The following CHODL variants were observed in gnomAD, a reference collection of about 807,000 sequenced individuals.
CHODL encodes the protein chondrolectin.
In CHODL, 29 loss-of-function variants were observed where a neutral mutation model predicts 34.5. The observed-to-expected ratio is 0.84, with a 90% CI of 0.63 to 1.15. The LOEUF is 1.15. CHODL is among the 50% of genes most tolerant of loss of function. The pLI is 0.00. For missense variants in CHODL, 332 were observed against 332.5 expected, an observed-to-expected ratio of 1.00 and a Z score of 0.01; for synonymous variants, 125 against 116.1, an observed-to-expected ratio of 1.08 and a Z score of -0.49.
intron 2 of CHODL, among the ~76,000 whole-genome samples, chr21:18,098,513 C>A (rs2065169337): frequency 1.3e-5 from 2 of 151,998 alleles, no homozygotes; most frequent in African/African-American, 4.8e-5. Flanking sequence ...AAATGTAAAT[C>A]AAAACTACAA....
At chr21:18,238,230 C>T (rs1028024674) in intron 2 of CHODL, among the ~76,000 whole-genome samples, 9 of 151,926 alleles carry the variant, frequency 5.9e-5, no homozygotes, top group Admixed American at 1.3e-4. Context: ...TAAACTGATG[C>T]GCATATTAGT....
At chr21:18,102,927 A>C (rs2065232517) in intron 2 of CHODL, among the ~76,000 whole-genome samples, 1 of 152,196 alleles carries the variant, frequency 6.6e-6, no homozygotes, top group African/African-American at 2.4e-5. Context: ...TATCATCCTG[A>C]AGCTTTATTT....
chr21:17,921,873 T>G (rs2063185678), intron 1 of CHODL, among the ~76,000 whole-genome samples: 1 of 152,212 alleles, frequency 6.6e-6, no homozygotes, highest in African/African-American at 2.4e-5. Context: ...TTAATCATAC[T>G]GTGAGTAGTA....
At chr21:18,251,212 A>C (rs1601205023) in intron 1 of CHODL, among the ~76,000 whole-genome samples, 1 of 150,590 alleles carries the variant, frequency 6.6e-6, no homozygotes, top group East Asian at 1.9e-4. Context: ...CTAAGGAAAA[A>C]GACAAAAATC....
intron 2 of CHODL, among the ~76,000 whole-genome samples, chr21:18,102,200 G>A (rs1197205807): frequency 6.6e-6 from 1 of 152,154 alleles, no homozygotes; most frequent in Non-Finnish European, 1.5e-5. Flanking sequence ...GGAGATCTCA[G>A]GAGATTATTC....
At chr21:18,242,692 G>A (rs1241702107), upstream of CHODL, among the ~76,000 whole-genome samples, 1 of 152,176 alleles carries the variant, frequency 6.6e-6, no homozygotes, top group Non-Finnish European at 1.5e-5. Flanking sequence ...AATAACTGCT[G>A]AACAGCCTTA....
intron 1 of CHODL, among the ~76,000 whole-genome samples, chr21:17,978,384 T>C (rs986557895): frequency 1.4e-5 from 2 of 141,306 alleles, no homozygotes; most frequent in African/African-American, 5.4e-5. Flanking sequence ...ATGGCGCCAC[T>C]GCACTCCAGC....
At chr21:17,999,906 C>T (rs2063889473) in intron 1 of CHODL, among the ~76,000 whole-genome samples, 1 of 152,184 alleles carries the variant, frequency 6.6e-6, no homozygotes, top group East Asian at 1.9e-4. Flanking sequence ...GTACACCAAC[C>T]TCTCTGAGCC....
intron 2 of CHODL, among the ~76,000 whole-genome samples, chr21:18,230,364 G>A (rs1452836758): frequency 1.3e-5 from 2 of 152,068 alleles, no homozygotes; most frequent in African/African-American, 4.8e-5. Context: ...AATCATGCAA[G>A]ATTCAGGATT....
chr21:18,233,073 T>A (rs2073998105), intron 2 of CHODL, among the ~76,000 whole-genome samples: 1 of 151,440 alleles, frequency 6.6e-6, no homozygotes, highest in South Asian at 2.1e-4. Flanking sequence ...ACTTATAATT[T>A]ATTCCTCCTG....
At chr21:18,095,547 A>G (rs2065129892) in intron 2 of CHODL, among the ~76,000 whole-genome samples, 1 of 152,168 alleles carries the variant, frequency 6.6e-6, no homozygotes, top group African/African-American at 2.4e-5. Flanking sequence ...CTAGGACCCA[A>G]TGGCTTCACT....
At chr21:18,182,804 A>C (rs1441137876) in intron 2 of CHODL, among the ~76,000 whole-genome samples, 1 of 152,160 alleles carries the variant, frequency 6.6e-6, no homozygotes, top group Non-Finnish European at 1.5e-5. Context: ...CAAGGTGCAA[A>C]AAAAATCCCT....
intron 1 of CHODL, among the ~76,000 whole-genome samples, chr21:18,022,161 T>G (rs76049572): frequency 0.017 from 2,542 of 152,310 alleles, 70 homozygotes; most frequent in African/African-American, 0.057. Context: ...TTCACTCACA[T>G]TTTTACAGGC....
chr21:18,168,931 C>G (rs1233654883), intron 2 of CHODL, among the ~76,000 whole-genome samples: 2 of 152,010 alleles, frequency 1.3e-5, no homozygotes, highest in Non-Finnish European at 2.9e-5. Flanking sequence ...TTTTGAACCA[C>G]TTCTTTTATA....
Position 18,150,682 on chromosome 21 carries a change from C to T in CHODL, c.-44-105827C>T, listed in dbSNP as rs186499925. On this transcript the variant is annotated intron_variant, in intron 2 of 6. Coordinates refer to the CHODL transcript ENST00000400127. ...CCTCCTATGATACGCATACACTGTT[C>T]CTGGCTCATAACTGCCACACCCTTA... Among the ~76,000 whole-genome samples, 29 of 152,280 alleles carry T rather than the reference C, an allele frequency of 1.9e-4. No homozygotes were observed. The East Asian group carries it at 5.0e-3, about 26-fold the overall frequency.
chr21:18,128,371 T>G (rs1221241599), intron 2 of CHODL, among the ~76,000 whole-genome samples: 1 of 100,898 alleles, frequency 9.9e-6, no homozygotes, highest in African/African-American at 3.6e-5. Flanking sequence ...CTAAACAAAC[T>G]ACAAATAGAA....
chr21:17,983,850 A>G (rs962697514), intron 1 of CHODL, among the ~76,000 whole-genome samples: 1 of 151,872 alleles, frequency 6.6e-6, no homozygotes, highest in Non-Finnish European at 1.5e-5. Flanking sequence ...AATTAATAAA[A>G]TAGACATGTG....
chr21:18,000,151 T>C (rs941552978), intron 1 of CHODL, among the ~76,000 whole-genome samples: 1 of 152,176 alleles, frequency 6.6e-6, no homozygotes, highest in Non-Finnish European at 1.5e-5. Flanking sequence ...TTTGATGGTC[T>C]GGCAATTCAC....
In CHODL at chr21:17,932,197, GA is replaced by G. The variant is rs35832673; in HGVS notation, c.-145+14804del. Among the ~76,000 whole-genome samples, 423 of 151,990 alleles carry G rather than the reference GA, an allele frequency of 2.8e-3. 3 individuals are homozygous for G. Among genetic ancestry groups the G allele is most frequent in the African/African-American group, 9.5e-3 (392 of 41,468 alleles). Reference sequence around the variant, plus strand: ...GAATACAAGTGACCAACAAAGATATGAAAAAAAGGCTCAACATTACTGATCA... The same window carrying G: ...GAATACAAGTGACCAACAAAGATATGAAAAAAGGCTCAACATTACTGATCA... On this transcript the variant is annotated intron_variant, in intron 1 of 6. Coordinates refer to the CHODL transcript ENST00000400127.
Sources: gnomAD v4.1 joint callset for allele counts (sites outside exome capture counted in the v4.1 genomes callset) on GRCh38, gnomAD v4.1.1 for gene constraint, MANE v1.5 for transcripts, NCBI Gene and HGNC (gene_info 2026-07-23, HGNC 2026-07-21) for gene names.